Variants in ABCB11 observed in about 807,000 individuals in gnomAD.
ABCB11 encodes the protein ATP binding cassette subfamily B member 11.
A neutral mutation model predicts 148.0 loss-of-function variants in ABCB11; 95 were observed. The ratio of observed to expected loss-of-function variants is 0.64; its 90% CI spans 0.54 to 0.76. ABCB11 has a LOEUF of 0.76. Ranked by LOEUF, ABCB11 falls within the 30% of genes least tolerant of loss-of-function variation. ABCB11 has a pLI of 0.00. For missense variants in ABCB11, 1,523 were observed against 1,617.8 expected (o/e 0.94, Z 1.01); for synonymous variants, 591 against 555.4 (o/e 1.06, Z -0.90).
intron 3 of ABCB11, among the ~76,000 whole-genome samples, chr2:169,015,229 C>A (rs879859397): frequency 6.6e-6 from 1 of 152,146 alleles, no homozygotes; most frequent in Non-Finnish European, 1.5e-5. Context: ...TCCTTGTAAA[C>A]TTCATCCTGC....
rs756337359 is a variant in ABCB11 at position 168,958,086 on chromosome 2, C to A, written c.2221G>T (p.Val741Phe). 2 of 1,611,146 alleles carry A rather than the reference C, an allele frequency of 1.2e-6. No homozygotes were observed. Among genetic ancestry groups the A allele is most frequent in the Non-Finnish European group, 1.7e-6 (2 of 1,178,172 alleles). Residue 741 changes from valine to phenylalanine, a missense_variant, in exon 19 of 28, where the codon GTT becomes TTT. By Grantham distance (50) the Val-to-Phe change is conservative (BLOSUM62 -1). Coordinates refer to ENST00000650372, the MANE Select transcript of ABCB11 (RefSeq NM_003742.4). ...GCACTGAATTTCAGAATCCTCCTAA[C>A]TGGGGCAGGTTCAACTTCTTCCTGC... ...PVQEEVEPAPVRRILKFSAPE... is the reference protein window; with the variant it reads ...PVQEEVEPAPFRRILKFSAPE...
At chr2:169,017,982 C>T (rs1398760995) in intron 2 of ABCB11, 68 bp downstream of exon 2, 1 of 1,359,242 alleles carries the variant, frequency 7.4e-7, no homozygotes, top group Admixed American at 1.7e-5. Context: ...TGAAACTTGA[C>T]CAGCTTGTCC....
chr2:168,948,500 G>T (rs1042530741), intron 19 of ABCB11, among the ~76,000 whole-genome samples: 1 of 150,092 alleles, frequency 6.7e-6, no homozygotes, highest in Non-Finnish European at 1.5e-5. Flanking sequence ...TGATGAGTGG[G>T]TTTTTTTTTG....
downstream of ABCB11, among the ~76,000 whole-genome samples, chr2:168,920,402 C>A (rs1465508798): frequency 6.6e-6 from 1 of 151,724 alleles, no homozygotes; most frequent in East Asian, 1.9e-4. Context: ...AATAAACTCT[C>A]TTGAACTAGA....
rs1396180393 is a variant in ABCB11, at chr2:168,921,787, T to C, written c.*1835A>G. ...CTTGTTGGTTGACAGGTGGGCTTCA[T>C]AGAAGGGTAATACGGCTGGAAAATT... On this transcript the variant is annotated 3_prime_UTR_variant, in exon 28 of 28. Transcript: ENST00000650372. 1.3e-5 allele frequency among the ~76,000 whole-genome samples: 2 copies of C among 151,882 alleles called. No homozygotes were observed. The highest frequency in any genetic ancestry group is 2.1e-4 in the South Asian group (1 of 4,822).
chr2:168,952,334 A>G (rs1019520858), intron 19 of ABCB11, among the ~76,000 whole-genome samples: 4 of 151,620 alleles, frequency 2.6e-5, no homozygotes, highest in Admixed American at 6.6e-5. Context: ...GAATTCAGCT[A>G]TGAATCCTTC....
At chr2:168,959,713 A>T (rs1692969611) in intron 18 of ABCB11, among the ~76,000 whole-genome samples, 1 of 151,592 alleles carries the variant, frequency 6.6e-6, no homozygotes, top group Admixed American at 6.6e-5. Context: ...TCTGCCCATT[A>T]TGAAAGAGTC....
Position 169,013,440 on chromosome 2 carries a change from A to G in ABCB11, c.221T>C (p.Ile74Thr), listed in dbSNP as rs777701321. Reference protein sequence around the residue: ...VGSLCAFLHGIAQPGVLLIFG... With the variant: ...VGSLCAFLHGTAQPGVLLIFG... ...AATGAGTAGCACGCCTGGCTGGGCT[A>G]TTCCATGGAGAAATGCACACAAACT... The change falls in exon 5 of 28, where the codon ATA (isoleucine) becomes ACA (threonine). Residue 74 changes from isoleucine (I) to threonine (T), a missense_variant. Transcript: ENST00000650372. 1 of 1,613,832 alleles carries G rather than the reference A, an allele frequency of 6.2e-7. No individual in the cohort carries two copies. Among genetic ancestry groups the G allele is most frequent in the Admixed American group, 1.7e-5 (1 of 59,984 alleles).
At chr2:168,976,934 T>A (rs1033966989) in intron 11 of ABCB11, among the ~76,000 whole-genome samples, 1 of 151,092 alleles carries the variant, frequency 6.6e-6, no homozygotes, top group Non-Finnish European at 1.5e-5. Context: ...ACGCCAAAGA[T>A]GTGTACTCAT....
Position 168,975,290 on chromosome 2 carries a change from A to T in ABCB11, c.1308+1287T>A, listed in dbSNP as rs184656422. Among the ~76,000 whole-genome samples the T allele has an allele frequency of 5.1e-3, 129 of 25,534 alleles. 16 individuals are homozygous for T. The highest frequency in any genetic ancestry group is 6.4e-3 in the South Asian group (5 of 786). The allele number at this position is 25,534 out of a possible 152,430, so 16.8% of individuals were successfully genotyped here. Reference sequence around the variant, plus strand: ...TTATAGATAAATATATGAATATTTAAATATTTTTATATTTAAATATTTATA... The same window carrying T: ...TTATAGATAAATATATGAATATTTATATATTTTTATATTTAAATATTTATA... On this transcript the variant is annotated intron_variant, in intron 12 of 27. Coordinates refer to ENST00000650372, the MANE Select transcript of ABCB11 (RefSeq NM_003742.4).
At chr2:168,942,210 A>C (rs1192432915) in intron 21 of ABCB11, among the ~76,000 whole-genome samples, 1 of 129,214 alleles carries the variant, frequency 7.7e-6, no homozygotes, top group East Asian at 2.5e-4. Context: ...AAAAGTGAGC[A>C]AGATAGTGGG....
At chr2:168,969,847 A>C (rs1289860822) in intron 15 of ABCB11, among the ~76,000 whole-genome samples, 198 bp downstream of exon 15, 1 of 152,066 alleles carries the variant, frequency 6.6e-6, no homozygotes, top group Non-Finnish European at 1.5e-5. Context: ...AGCTTTTGGA[A>C]ACAAATTACA....
At chr2:168,996,481 A>G (rs1198253946) in intron 6 of ABCB11, among the ~76,000 whole-genome samples, 154 bp downstream of exon 6, 1 of 151,998 alleles carries the variant, frequency 6.6e-6, no homozygotes, top group Non-Finnish European at 1.5e-5. Flanking sequence ...TCCATCTGAG[A>G]GAAGAATCCC....
chr2:168,917,025 C>G (rs867534261), downstream of ABCB11, among the ~76,000 whole-genome samples: 11 of 152,112 alleles, frequency 7.2e-5, no homozygotes, highest in South Asian at 1.0e-3. Flanking sequence ...GTATTTTACA[C>G]TTTCAGAATA....
chr2:168,916,473 T>C (rs905510875), downstream of ABCB11, among the ~76,000 whole-genome samples: 3 of 152,228 alleles, frequency 2.0e-5, no homozygotes, highest in African/African-American at 7.2e-5. Context: ...TGATTACTCA[T>C]TATGAGCCTC....
In ABCB11 at chr2:168,990,857, G is replaced by T; in HGVS notation, c.852C>A (p.Val284=). The change falls in exon 9 of 28, where the codon GTC becomes GTA. Residue 284 remains valine, a synonymous_variant. Coordinates refer to ENST00000650372, the MANE Select transcript of ABCB11 (RefSeq NM_003742.4). ...YAKAGVVADE[V]ISSMRTVAAF... ...CAGCCACTGTTCTCATTGATGAAATGACTTCATCAGCCACCACCCCTGCTT... is the reference window on the plus strand; with the variant it reads ...CAGCCACTGTTCTCATTGATGAAATTACTTCATCAGCCACCACCCCTGCTT... The T allele has an allele frequency of 6.2e-7, 1 of 1,612,992 alleles. No individual in the cohort carries two copies. Among genetic ancestry groups the T allele is most frequent in the Non-Finnish European group, 8.5e-7 (1 of 1,179,198 alleles).
At position 168,923,686 on chromosome 2, in the gene ABCB11, T is replaced by G. The variant is rs1409947116; in HGVS notation, c.3902A>C (p.Glu1301Ala). The G allele has an allele frequency of 1.1e-5, 17 of 1,613,706 alleles. No homozygotes were observed. The Admixed American group carries it at 2.8e-4, about 27-fold the overall frequency. Residue 1301 changes from glutamate to alanine, a missense_variant, in exon 28 of 28, where the codon GAA becomes GCA. Glu to Ala is a moderately radical substitution (Grantham distance 107). Transcript: ENST00000650372. ...QGVVIEKGTH[E>A]ELMAQKGAYY... ...GGCTCCTTTTTGGGCCATCAGTTCT[T>G]CATGGGTCCCCTTTTCAATCACCAC... is the stretch of plus-strand genomic sequence containing the variant.
At chr2:168,966,440 T>C (rs1243010996) in intron 17 of ABCB11, among the ~76,000 whole-genome samples, 6 of 151,902 alleles carry the variant, frequency 3.9e-5, no homozygotes, top group South Asian at 2.1e-4. Context: ...CATGAGGCCA[T>C]GGGCAGTGCA....
At position 168,994,014 on chromosome 2, in the gene ABCB11, C is replaced by T; in HGVS notation, c.612-132G>A. The stretch of plus-strand genomic sequence containing the variant: ...ATCACCCTTGGATAGCATTAACAGC[C>T]TCTCAGATCTTGGAAAATTTGCTGC... On this transcript the variant is annotated intron_variant, in intron 7 of 27. Coordinates refer to ENST00000650372, the MANE Select transcript of ABCB11 (RefSeq NM_003742.4). The T allele has an allele frequency of 6.7e-6, 5 of 741,950 alleles. No homozygotes were observed. In the South Asian group the frequency reaches 1.0e-4, roughly 16 times the overall value. The allele number at this position is 741,950 out of a possible 1,614,324, so 46.0% of individuals were successfully genotyped here. A position where few individuals can be genotyped will look rare whatever the true frequency, so the allele number is the denominator to read the frequency against.
Sources: gnomAD v4.1 joint callset for allele counts (sites outside exome capture counted in the v4.1 genomes callset) on GRCh38, gnomAD v4.1.1 for gene constraint, MANE v1.5 for transcripts, NCBI Gene and HGNC (gene_info 2026-07-23, HGNC 2026-07-21) for gene names.